C2orf92: variants seen among roughly 807,000 people sequenced by gnomAD.
C2orf92 encodes uncharacterized protein C2orf92.
chr2:97,684,153 A>G (rs554698653), intron 3 of C2orf92, among the ~76,000 whole-genome samples: 10 of 150,604 alleles, frequency 6.6e-5, no homozygotes, highest in Admixed American at 2.0e-4. Flanking sequence ...CTCCTGCCTC[A>G]GCCTCCCGAG....
chr2:97,684,666 T>G (rs1675893840), intron 3 of C2orf92, among the ~76,000 whole-genome samples: 1 of 152,168 alleles, frequency 6.6e-6, no homozygotes, highest in Non-Finnish European at 1.5e-5. Context: ...TCAAAGGCAT[T>G]TCTCCCACAG....
intron 7 of C2orf92, among the ~76,000 whole-genome samples, chr2:97,702,336 C>G (rs1368895634): frequency 6.6e-6 from 1 of 152,170 alleles, no homozygotes; most frequent in African/African-American, 2.4e-5. Flanking sequence ...CTCCAGCATC[C>G]TCTTCCTACC....
At chr2:97,675,728 T>C (rs1463266558) in intron 2 of C2orf92, 117 bp from the exon 3 acceptor site, 12 of 397,652 alleles carry the variant, frequency 3.0e-5, no homozygotes, top group Non-Finnish European at 5.3e-5. Flanking sequence ...ATAGGTGGGT[T>C]CAGGCCAAGT....
At chr2:97,666,398 G>A (rs1675230579), upstream of C2orf92, among the ~76,000 whole-genome samples, 1 of 151,874 alleles carries the variant, frequency 6.6e-6, no homozygotes, top group Non-Finnish European at 1.5e-5. Context: ...GTAGCTGGGC[G>A]TGGTGGCATG....
At chr2:97,682,762 C>G (rs1675819288) in intron 3 of C2orf92, among the ~76,000 whole-genome samples, 1 of 150,886 alleles carries the variant, frequency 6.6e-6, no homozygotes, top group Non-Finnish European at 1.5e-5. Flanking sequence ...AACACCCTTT[C>G]ATGATTGAAA....
chr2:97,686,750 G>A (rs1460697418), intron 3 of C2orf92, among the ~76,000 whole-genome samples: 4 of 151,878 alleles, frequency 2.6e-5, no homozygotes, highest in South Asian at 4.2e-4. Context: ...TCTGGAAGCC[G>A]AGCGCCTCAG....
chr2:97,695,980 G>A (rs1229273663), intron 5 of C2orf92, among the ~76,000 whole-genome samples: 1 of 152,124 alleles, frequency 6.6e-6, no homozygotes, highest in East Asian at 1.9e-4. Context: ...TGAGGTTGCA[G>A]TCAAGATTCT....
At chr2:97,698,884 G>A (rs550457226) in intron 5 of C2orf92, 142 bp from the exon 6 acceptor site, 3 of 393,522 alleles carry the variant, frequency 7.6e-6, no homozygotes, top group African/African-American at 4.1e-5. Context: ...AAAACACTGA[G>A]GTTCTGTAGG....
chr2:97,686,509 T>G (rs1396134874), intron 3 of C2orf92, among the ~76,000 whole-genome samples: 1 of 151,782 alleles, frequency 6.6e-6, no homozygotes, highest in African/African-American at 2.4e-5. Flanking sequence ...AACCCCTGCC[T>G]CCCCGGTTCA....
chr2:97,678,382 T>G (rs148130497), intron 3 of C2orf92, among the ~76,000 whole-genome samples: 22 of 151,678 alleles, frequency 1.5e-4, no homozygotes, highest in Non-Finnish European at 2.5e-4. Context: ...GACAGAGAGA[T>G]ATGAAGACAA....
intron 3 of C2orf92, among the ~76,000 whole-genome samples, chr2:97,683,788 G>T (rs1183427328): frequency 2.0e-5 from 3 of 152,048 alleles, no homozygotes; most frequent in Non-Finnish European, 4.4e-5. Context: ...CTAGTATAAG[G>T]CTAATCACAT....
chr2:97,692,407 C>CTTTTTTTTT, intron 5 of C2orf92, among the ~76,000 whole-genome samples: 1 of 119,382 alleles, frequency 8.4e-6, no homozygotes, highest in Non-Finnish European at 1.7e-5. Flanking sequence ...AGTTTTACTT[C>CTTTTTTTTT]TTTTTTTTTT....
At chr2:97,673,912 C>T (rs758568315) in intron 1 of C2orf92, among the ~76,000 whole-genome samples, 3 of 152,140 alleles carry the variant, frequency 2.0e-5, no homozygotes, top group Non-Finnish European at 2.9e-5. Context: ...TTCCTCTGTA[C>T]AATAATGGGT....
intron 4 of C2orf92, among the ~76,000 whole-genome samples, chr2:97,689,715 A>G (rs1018004914): frequency 6.6e-6 from 1 of 152,156 alleles, no homozygotes; most frequent in African/African-American, 2.4e-5. Flanking sequence ...GCCCAGGACA[A>G]CTGCCTGGGC....
upstream of C2orf92, chr2:97,667,993 A>G (rs1259298082): frequency 6.6e-6 from 1 of 152,052 alleles, no homozygotes; most frequent in East Asian, 1.9e-4. Flanking sequence ...CAAACTCAGG[A>G]TGGAGATTTT....
At chr2:97,669,100 A>G (rs1167477630), upstream of C2orf92, 1 of 152,234 alleles carries the variant, frequency 6.6e-6, no homozygotes, top group African/African-American at 2.4e-5. Context: ...TGGAGAAAAA[A>G]CTAGAAAAAA....
chr2:97,693,501 A>T (rs952806377), intron 5 of C2orf92, among the ~76,000 whole-genome samples: 4 of 152,226 alleles, frequency 2.6e-5, no homozygotes, highest in African/African-American at 7.2e-5. Context: ...TTACATATTT[A>T]AAAAATCAAG....
chr2:97,680,297 TC>T (rs1675726278), intron 3 of C2orf92, among the ~76,000 whole-genome samples: 1 of 152,134 alleles, frequency 6.6e-6, no homozygotes, highest in South Asian at 2.1e-4. Flanking sequence ...AGACTCCATC[TC>T]AAAAACAAAA....
rs188552923 is a variant in C2orf92 at position 97,684,454 on chromosome 2, C to T, written c.233-4441C>T. On this transcript the variant is annotated intron_variant, in intron 3 of 7. Coordinates refer to ENST00000627399, the MANE Select transcript of C2orf92 (RefSeq NM_001351368.2). The stretch of plus-strand genomic sequence containing the variant: ...CAAAAGAATGAAGCTAGCTCATTAC[C>T]TTATACCATATACAAAAATTCAAAG... Among the ~76,000 whole-genome samples the T allele has an allele frequency of 3.2e-3, 492 of 152,254 alleles. 3 individuals are homozygous for T. The highest frequency in any genetic ancestry group is 4.9e-3 in the Non-Finnish European group (331 of 68,014).
Sources: gnomAD v4.1 joint callset for allele counts (sites outside exome capture counted in the v4.1 genomes callset) on GRCh38, gnomAD v4.1.1 for gene constraint, MANE v1.5 for transcripts, NCBI Gene and HGNC (gene_info 2026-07-23, HGNC 2026-07-21) for gene names.